NRCAM: variants seen among roughly 807,000 people sequenced by gnomAD.
NRCAM encodes the protein neuronal cell adhesion molecule.
Under a neutral mutation model 156.5 loss-of-function variants are expected in NRCAM, and 83 were observed. The observed-to-expected ratio is 0.53, with a 90% CI of 0.44 to 0.64. The LOEUF (loss-of-function observed/expected upper bound fraction) is 0.64. NRCAM is among the 30% of genes least tolerant of loss of function. The pLI is 0.00. For missense variants in NRCAM, 1,417 were observed against 1,597.3 expected, an observed-to-expected ratio of 0.89 and a Z score of 1.92; for synonymous variants, 538 against 563.9, an observed-to-expected ratio of 0.95 and a Z score of 0.65.
chr7:108,381,566 T>C (rs1454308084), intron 2 of NRCAM, among the ~76,000 whole-genome samples: 2 of 151,198 alleles, frequency 1.3e-5, no homozygotes, highest in African/African-American at 4.9e-5. Context: ...TTTTTCTTTT[T>C]TTTTTTTTTT....
chr7:108,427,079 A>G (rs573950862), intron 1 of NRCAM, among the ~76,000 whole-genome samples: 1 of 152,316 alleles, frequency 6.6e-6, no homozygotes, highest in Non-Finnish European at 1.5e-5. Flanking sequence ...TTTCACGAAC[A>G]TGCCTTTCCT....
chr7:108,233,257 T>A (rs1229047034), intron 6 of NRCAM, among the ~76,000 whole-genome samples: 1 of 152,144 alleles, frequency 6.6e-6, no homozygotes, highest in East Asian at 1.9e-4. Flanking sequence ...ATGATGGCCA[T>A]GCTCATACAA....
At position 108,166,998 on chromosome 7, in the gene NRCAM, G is replaced by C; in HGVS notation, c.3389C>G (p.Thr1130Arg). 6.2e-7 allele frequency: 1 copy of C among 1,613,872 alleles called. No homozygotes were observed. Among genetic ancestry groups the C allele is most frequent in the Non-Finnish European group, 8.5e-7 (1 of 1,179,798 alleles). ...AGCACCAACTCGAACTTTGTATGCTGTTCCTGGCATTAGACCCTTTAACCC... is the reference window on the plus strand; with the variant it reads ...AGCACCAACTCGAACTTTGTATGCTCTTCCTGGCATTAGACCCTTTAACCC... ...FFGLKGLMPG[T>R]AYKVRVGAVG... The change falls in exon 30 of 33, where the codon ACA (threonine) becomes AGA (arginine). Residue 1130 changes from threonine to arginine, a missense_variant. Transcript: ENST00000379028.
intron 3 of NRCAM, among the ~76,000 whole-genome samples, chr7:108,254,433 G>A (rs533153292): frequency 1.3e-5 from 2 of 152,252 alleles, no homozygotes; most frequent in East Asian, 3.9e-4. Context: ...CCACTTGAAT[G>A]GCTGTATTCA....
chr7:108,290,883 T>G (rs370782274), intron 3 of NRCAM, among the ~76,000 whole-genome samples: 1 of 152,186 alleles, frequency 6.6e-6, no homozygotes, highest in Admixed American at 6.5e-5. Flanking sequence ...GCAGCACTGC[T>G]GGACCATGGC....
At chr7:108,377,188 T>C (rs1164061700) in intron 2 of NRCAM, among the ~76,000 whole-genome samples, 1 of 152,110 alleles carries the variant, frequency 6.6e-6, no homozygotes, top group Non-Finnish European at 1.5e-5. Context: ...ACATACAGAC[T>C]GAAAATATAT....
intron 2 of NRCAM, among the ~76,000 whole-genome samples, chr7:108,323,928 C>T (rs1039165915): frequency 1.3e-5 from 2 of 152,148 alleles, no homozygotes; most frequent in African/African-American, 4.8e-5. Flanking sequence ...GTGAAAGTTC[C>T]GGGCAAATCC....
At chr7:108,440,793 T>C (rs1837664317) in intron 1 of NRCAM, among the ~76,000 whole-genome samples, 1 of 152,218 alleles carries the variant, frequency 6.6e-6, no homozygotes, top group Non-Finnish European at 1.5e-5. Context: ...GAGTTCTTTA[T>C]GGTGTCCTGG....
chr7:108,243,207 C>G (rs923251804), intron 3 of NRCAM: 36 of 152,130 alleles, frequency 2.4e-4, no homozygotes, highest in African/African-American at 8.7e-4. Context: ...AGCAATGGTC[C>G]AGCCCGTCCT....
In NRCAM at chr7:108,345,350, T is replaced by C. The variant is rs372269910; in HGVS notation, c.-173-32619A>G. ...TAAGTTCCCAAAATCCCATGGGAAG[T>C]GTTTTGTCTAGAAATAAGGAAAACC... On this transcript the variant is annotated intron_variant, in intron 2 of 32. Coordinates refer to ENST00000379028, the MANE Select transcript of NRCAM (RefSeq NM_001037132.4). Among the ~76,000 whole-genome samples, 32 of 152,292 alleles carry C rather than the reference T, an allele frequency of 2.1e-4. 2 individuals are homozygous for C. In the East Asian group the frequency reaches 5.0e-3, roughly 24 times the overall value.
At chr7:108,176,805 T>G in intron 26 of NRCAM, 199 bp from the exon 27 acceptor site, 2 of 503,466 alleles carry the variant, frequency 4.0e-6, no homozygotes, top group Non-Finnish European at 7.0e-6. Flanking sequence ...TATCATATCA[T>G]ATCATATCAT....
At chr7:108,153,045 T>C (rs906659104) in intron 32 of NRCAM, among the ~76,000 whole-genome samples, 3 of 152,182 alleles carry the variant, frequency 2.0e-5, no homozygotes, top group Non-Finnish European at 4.4e-5. Context: ...GGTTCCATTT[T>C]GAGATATTAA....
intron 2 of NRCAM, among the ~76,000 whole-genome samples, chr7:108,387,943 T>A (rs2099746540): frequency 6.6e-6 from 1 of 152,232 alleles, no homozygotes; most frequent in Admixed American, 6.5e-5. Context: ...CACATTTTCT[T>A]AATCCAGTCG....
intron 2 of NRCAM, among the ~76,000 whole-genome samples, chr7:108,335,608 A>G (rs930592285): frequency 6.6e-6 from 1 of 151,950 alleles, no homozygotes. Context: ...CTAATCTCAC[A>G]CAGAAGTCCC....
chr7:108,403,328 T>C lies in NRCAM; in HGVS notation c.-331-3735A>G, dbSNP rs1418045442. On this transcript the variant is annotated intron_variant, in intron 1 of 32. Coordinates refer to ENST00000379028, the MANE Select transcript of NRCAM (RefSeq NM_001037132.4). ...TCTTGTCCTTACGAAATATTCATTA[T>C]GCCATCATCTATGAGTTAGACAAGA... Among the ~76,000 whole-genome samples, 3 of 152,222 alleles carry C rather than the reference T, an allele frequency of 2.0e-5. No homozygotes were observed. In the East Asian group the frequency reaches 5.8e-4, roughly 29 times the overall value.
At chr7:108,162,973 C>A (rs927009160) in intron 30 of NRCAM, among the ~76,000 whole-genome samples, 7 of 152,120 alleles carry the variant, frequency 4.6e-5, no homozygotes, top group African/African-American at 1.4e-4. Context: ...ACATACAAAT[C>A]CAAGCCATAA....
In NRCAM at chr7:108,148,788, T is replaced by C. The variant is rs988510210; in HGVS notation, c.*1122A>G. The stretch of plus-strand genomic sequence containing the variant: ...GTTTTAAAATTAATTTTCTAGCATG[T>C]TGACATCTTTCTTACTGAATGTAAT... On this transcript the variant is annotated 3_prime_UTR_variant, in exon 33 of 33. Coordinates refer to ENST00000379028, the MANE Select transcript of NRCAM (RefSeq NM_001037132.4). 1 of 152,554 alleles carries C rather than the reference T, an allele frequency of 6.6e-6. No individual in the cohort carries two copies. Among genetic ancestry groups the C allele is most frequent in the Non-Finnish European group, 1.5e-5 (1 of 68,034 alleles). The allele number at this position is 152,554 out of a possible 1,614,324, so 9.5% of individuals were successfully genotyped here. A position where few individuals can be genotyped will look rare whatever the true frequency, so the allele number is the denominator to read the frequency against.
intron 2 of NRCAM, among the ~76,000 whole-genome samples, chr7:108,349,537 G>C (rs1594651422): frequency 6.6e-6 from 1 of 151,976 alleles, no homozygotes; most frequent in African/African-American, 2.4e-5. Flanking sequence ...TAAAGTGCTG[G>C]GATTACAGGC....
At chr7:108,453,552 G>A (rs560382559) in intron 1 of NRCAM, among the ~76,000 whole-genome samples, 1 of 152,310 alleles carries the variant, frequency 6.6e-6, no homozygotes, top group South Asian at 2.1e-4. Context: ...GCATTACGAG[G>A]CTGAGCCCTA....
Sources: allele counts gnomAD v4.1 joint callset (sites outside exome capture counted in the v4.1 genomes callset), GRCh38; gene constraint gnomAD v4.1.1; transcripts MANE v1.5; gene names NCBI Gene and HGNC (gene_info 2026-07-23, HGNC 2026-07-21).